CATSPERT: variants seen among roughly 807,000 people sequenced by gnomAD.
The protein encoded by CATSPERT is catsper channel auxiliary subunit tau, also known as cation channel sperm-associated targeting subunit tau.
At chr2:201,574,537 G>T in the CATSPERT span, among the ~76,000 whole-genome samples, 8 of 152,054 alleles carry the variant, frequency 5.3e-5, no homozygotes, top group South Asian at 2.1e-4. Context: ...TTGTTACTGG[G>T]ATTACACTGA....
chr2:201,557,657 T>C, the CATSPERT span: 36 of 152,326 alleles, frequency 2.4e-4, no homozygotes, highest in African/African-American at 7.9e-4. Flanking sequence ...TAATCTGCTT[T>C]TCACCTACTC....
chr2:201,601,302 GT>G, the CATSPERT span, among the ~76,000 whole-genome samples: 2 of 144,998 alleles, frequency 1.4e-5, no homozygotes, highest in African/African-American at 5.1e-5. Flanking sequence ...GTGTGTGTGT[GT>G]GTGTGTGTGT....
chr2:201,492,523 G>C, the CATSPERT span: 1 of 1,535,960 alleles, frequency 6.5e-7, no homozygotes, highest in South Asian at 1.2e-5. Context: ...TTCATGAAAA[G>C]ATATTGAGAC....
At chr2:201,511,573 C>T in the CATSPERT span, among the ~76,000 whole-genome samples, 1 of 152,038 alleles carries the variant, frequency 6.6e-6, no homozygotes, top group East Asian at 1.9e-4. Context: ...ATTTCCCCAT[C>T]TCTCCTCACC....
the CATSPERT span, chr2:201,534,597 A>G: frequency 1.0e-6 from 1 of 983,572 alleles, no homozygotes; most frequent in Non-Finnish European, 1.2e-6. Context: ...AGCAGGGAAA[A>G]CCAAAATGAC....
At chr2:201,585,399 C>A in the CATSPERT span, among the ~76,000 whole-genome samples, 4 of 126,046 alleles carry the variant, frequency 3.2e-5, no homozygotes, top group Non-Finnish European at 3.4e-5. Flanking sequence ...AAATTCCCTA[C>A]AGAACAAGAA....
chr2:201,617,862 G>GA, the CATSPERT span, among the ~76,000 whole-genome samples: 5 of 151,912 alleles, frequency 3.3e-5, no homozygotes, highest in African/African-American at 1.2e-4. Flanking sequence ...AAATTTACAA[G>GA]AAAAAAACAA....
the CATSPERT span, among the ~76,000 whole-genome samples, chr2:201,607,719 G>C: frequency 6.6e-6 from 1 of 152,208 alleles, no homozygotes; most frequent in Non-Finnish European, 1.5e-5. Context: ...CAATACTTAA[G>C]AGTTTACTCT....
the CATSPERT span, among the ~76,000 whole-genome samples, chr2:201,531,721 A>C: frequency 6.6e-6 from 1 of 152,134 alleles, no homozygotes. Flanking sequence ...TATTAGAAAG[A>C]GCTTGAGGCT....
At chr2:201,557,923 T>C in the CATSPERT span, 1 of 152,186 alleles carries the variant, frequency 6.6e-6, no homozygotes. Flanking sequence ...ACCAGGATAT[T>C]AAAAAAATAG....
chr2:201,572,150 C>T, the CATSPERT span: 2 of 566,812 alleles, frequency 3.5e-6, no homozygotes, highest in East Asian at 3.1e-5. Context: ...TTAAATGAGA[C>T]ATGTAAGGAA....
chr2:201,580,132 C>A, the CATSPERT span, among the ~76,000 whole-genome samples: 1 of 152,198 alleles, frequency 6.6e-6, no homozygotes, highest in African/African-American at 2.4e-5. Flanking sequence ...AGGCCTGAGC[C>A]ACTGCACCCA....
chr2:201,598,305 A>G, the CATSPERT span, among the ~76,000 whole-genome samples: 1 of 152,090 alleles, frequency 6.6e-6, no homozygotes, highest in South Asian at 2.1e-4. Context: ...GGGCCTCACT[A>G]TGTTGACCAG....
the CATSPERT span, among the ~76,000 whole-genome samples, chr2:201,598,017 T>A: frequency 6.6e-6 from 1 of 152,224 alleles, no homozygotes; most frequent in South Asian, 2.1e-4. Flanking sequence ...AAGTCAAGAA[T>A]TTCTACAATG....
the CATSPERT span, among the ~76,000 whole-genome samples, chr2:201,581,546 GTGTATATATATATATATATATATATATA>G: frequency 6.8e-4 from 10 of 14,724 alleles, 2 homozygotes; most frequent in African/African-American, 2.7e-3. Flanking sequence ...AAAAAAATGT[GTGTATATATATATATATATATATATATA>G]TATATATATA....
the CATSPERT span, among the ~76,000 whole-genome samples, chr2:201,575,862 T>C: frequency 6.6e-6 from 1 of 152,306 alleles, no homozygotes; most frequent in East Asian, 1.9e-4. Context: ...TGCTGGTCTG[T>C]GGAAAAATTT....
At chr2:201,499,232 C>T in the CATSPERT span, among the ~76,000 whole-genome samples, 1 of 152,104 alleles carries the variant, frequency 6.6e-6, no homozygotes, top group East Asian at 1.9e-4. Flanking sequence ...AGAAATATTT[C>T]TGACAAATGT....
chr2:201,566,215 T>A, the CATSPERT span, among the ~76,000 whole-genome samples: 58 of 152,198 alleles, frequency 3.8e-4, 1 homozygote, highest in Middle Eastern at 3.4e-3. Flanking sequence ...TCTTTTTTTT[T>A]TTATTATTAT....
the CATSPERT span, among the ~76,000 whole-genome samples, chr2:201,516,435 G>A: frequency 6.6e-6 from 1 of 152,164 alleles, no homozygotes; most frequent in East Asian, 1.9e-4. Flanking sequence ...GTGAGTGAAG[G>A]GGAAGTGCCA....
Sources: allele counts gnomAD v4.1 joint callset (sites outside exome capture counted in the v4.1 genomes callset), GRCh38; gene constraint gnomAD v4.1.1; transcripts MANE v1.5; gene names NCBI Gene and HGNC (gene_info 2026-07-23, HGNC 2026-07-21).